The following CHIA variants were observed in gnomAD, a reference collection of about 807,000 sequenced individuals.
CHIA encodes the protein chitinase acidic.
In CHIA, 47 loss-of-function variants were observed where a neutral mutation model predicts 53.5. The ratio of observed to expected loss-of-function variants is 0.88; its 90% confidence interval spans 0.70 to 1.12. CHIA has a LOEUF of 1.12. Ranked by LOEUF, CHIA falls within the 50% of genes most tolerant of loss-of-function variation. CHIA has a pLI of 0.00. For missense variants in CHIA, 652 were observed against 592.2 expected (o/e 1.10, Z -1.05); for synonymous variants, 268 against 222.2 (o/e 1.21, Z -1.83).
At chr1:111,304,848 G>C (rs910502796) in intron 1 of CHIA, among the ~76,000 whole-genome samples, 1 of 152,042 alleles carries the variant, frequency 6.6e-6, no homozygotes, top group African/African-American at 2.4e-5. Flanking sequence ...CTAATAATGT[G>C]GTATCTCTGA....
intron 1 of CHIA, among the ~76,000 whole-genome samples, chr1:111,305,469 C>G (rs761476724): frequency 6.6e-6 from 1 of 151,932 alleles, no homozygotes; most frequent in Non-Finnish European, 1.5e-5. Context: ...TTTTGCCCAC[C>G]CTGGCTCCCA....
chr1:111,300,961 C>A (rs538640634), intron 1 of CHIA, among the ~76,000 whole-genome samples: 3 of 152,246 alleles, frequency 2.0e-5, no homozygotes, highest in East Asian at 1.9e-4. Flanking sequence ...ATTTATGCAG[C>A]CAACAGACAT....
chr1:111,311,580 T>C (rs1253914378), intron 2 of CHIA, 109 bp from the exon 3 acceptor site: 3 of 1,259,268 alleles, frequency 2.4e-6, no homozygotes, highest in Non-Finnish European at 3.5e-6. Context: ...CAAATCTCAC[T>C]GAGGTTGTAA....
intron 1 of CHIA, among the ~76,000 whole-genome samples, chr1:111,295,776 G>A (rs1661301387): frequency 6.6e-6 from 1 of 152,224 alleles, no homozygotes; most frequent in South Asian, 2.1e-4. Flanking sequence ...CCCAGGAAGT[G>A]CAAGGCACTG....
chr1:111,312,445 C>G, intron 4 of CHIA, 54 bp downstream of exon 4: 2 of 1,338,658 alleles, frequency 1.5e-6, no homozygotes, highest in East Asian at 2.3e-5. Flanking sequence ...ACTTCCCAAA[C>G]ATTAATGCTT....
At chr1:111,318,814 A>T in intron 9 of CHIA, 136 bp downstream of exon 9, 1 of 989,392 alleles carries the variant, frequency 1.0e-6, no homozygotes, top group Non-Finnish European at 1.5e-6. Context: ...GTGTTTAAAT[A>T]GCATTCATTT....
chr1:111,309,949 T>C (rs1490281102), intron 1 of CHIA, among the ~76,000 whole-genome samples: 1 of 152,124 alleles, frequency 6.6e-6, no homozygotes, highest in African/African-American at 2.4e-5. Context: ...CATGTGTGAG[T>C]AGAATATTGA....
At position 111,314,626 on chromosome 1, in the gene CHIA, G is replaced by A. The variant is rs192147344; in HGVS notation, c.314+30G>A. On this transcript the variant is annotated intron_variant, in intron 5 of 11. Coordinates refer to ENST00000369740, the MANE Select transcript of CHIA (RefSeq NM_201653.4). Reference sequence around the variant, plus strand: ...GTCTTCTATGGAGAGCATGTTGTTCGTTTGCTATGGAAAACAAGTTAGCCC... The same window carrying A: ...GTCTTCTATGGAGAGCATGTTGTTCATTTGCTATGGAAAACAAGTTAGCCC... The A allele has an allele frequency of 2.1e-3, 3,266 of 1,571,596 alleles. 6 individuals carry two copies. Among genetic ancestry groups the A allele is most frequent in the Non-Finnish European group, 2.7e-3 (3,070 of 1,141,692 alleles).
intron 6 of CHIA, 25 bp downstream of exon 6, chr1:111,315,460 A>G: frequency 6.3e-7 from 1 of 1,599,532 alleles, no homozygotes; most frequent in Non-Finnish European, 8.5e-7. Context: ...CCCAGTCTTT[A>G]GCCCAAAAAG....
intron 1 of CHIA, among the ~76,000 whole-genome samples, chr1:111,292,854 T>C (rs553748570): frequency 5.1e-4 from 77 of 152,352 alleles, no homozygotes; most frequent in Non-Finnish European, 9.8e-4. Context: ...TCTGTCTTTT[T>C]GGACTGGCTT....
At chr1:111,316,817 A>G (rs981444440) in intron 6 of CHIA, 32 of 152,328 alleles carry the variant, frequency 2.1e-4, no homozygotes, top group African/African-American at 6.0e-4. Context: ...AATAGTTTCA[A>G]TGTTAAGTAA....
intron 1 of CHIA, among the ~76,000 whole-genome samples, chr1:111,292,239 C>T (rs2101592677): frequency 1.3e-5 from 2 of 152,222 alleles, no homozygotes; most frequent in Middle Eastern, 6.8e-3. Context: ...TCACAACAAC[C>T]CTATAAGACA....
At chr1:111,295,806 C>A (rs1571261130) in intron 1 of CHIA, among the ~76,000 whole-genome samples, 2 of 152,190 alleles carry the variant, frequency 1.3e-5, no homozygotes, top group African/African-American at 2.4e-5. Flanking sequence ...CCTTTCCTAG[C>A]CAAGGGAAGC....
chr1:111,300,341 G>C lies in CHIA; in HGVS notation c.-69+9391G>C, dbSNP rs560143098. ...ACTTGACTTCAAACTATACTACAAG[G>C]CTACAGTAACCAAAACAGCATGGTA... On this transcript the variant is annotated intron_variant, in intron 1 of 11. Coordinates refer to ENST00000369740, the MANE Select transcript of CHIA (RefSeq NM_201653.4). Among the ~76,000 whole-genome samples the C allele has an allele frequency of 4.9e-4, 74 of 152,224 alleles. 1 individual carries two copies. Among genetic ancestry groups the C allele is most frequent in the Admixed American group, 1.9e-3 (29 of 15,284 alleles).
chr1:111,320,127 C>T (rs146917324), intron 11 of CHIA, 86 bp from the exon 12 acceptor site: 46 of 1,266,890 alleles, frequency 3.6e-5, no homozygotes, highest in East Asian at 2.1e-4. Flanking sequence ...CTCCACACTT[C>T]CACTCCCACA....
chr1:111,293,137 T>A (rs949855303), intron 1 of CHIA, among the ~76,000 whole-genome samples: 2 of 151,798 alleles, frequency 1.3e-5, no homozygotes, highest in African/African-American at 4.9e-5. Context: ...ATTCTATGTA[T>A]GATTTTTTTA....
Position 111,320,245 on chromosome 1 carries a change from A to C in CHIA, c.1210A>C (p.Ile404Leu). 6.2e-7 allele frequency: 1 copy of C among 1,614,102 alleles called. No homozygotes were observed. Among genetic ancestry groups the C allele is most frequent in the Non-Finnish European group, 8.5e-7 (1 of 1,180,002 alleles). Residue 404 changes from isoleucine to leucine, a missense_variant, in exon 12 of 12, where the codon ATA (isoleucine) becomes CTA (leucine). Coordinates refer to ENST00000369740, the MANE Select transcript of CHIA (RefSeq NM_201653.4). Reference protein sequence around the residue: ...CTAPAQPIEPITAAPSGSGNG... With the variant: ...CTAPAQPIEPLTAAPSGSGNG... ...GGCTCCAGCTCAGCCCATTGAGCCA[A>C]TAACTGCTGCTCCCAGTGGCAGCGG...
chr1:111,318,814 A>G (rs1005025691), intron 9 of CHIA, 136 bp downstream of exon 9: 1 of 989,392 alleles, frequency 1.0e-6, no homozygotes. Context: ...GTGTTTAAAT[A>G]GCATTCATTT....
intron 1 of CHIA, among the ~76,000 whole-genome samples, chr1:111,293,734 C>T (rs754526904): frequency 6.6e-6 from 1 of 152,062 alleles, no homozygotes; most frequent in South Asian, 2.1e-4. Flanking sequence ...TACATTTAGG[C>T]CATTGATCTA....
Sources: allele counts gnomAD v4.1 joint callset (sites outside exome capture counted in the v4.1 genomes callset), GRCh38; gene constraint gnomAD v4.1.1; transcripts MANE v1.5; gene names NCBI Gene and HGNC (gene_info 2026-07-23, HGNC 2026-07-21).